The following DENND1A variants were observed in gnomAD, a reference collection of about 807,000 sequenced individuals.
DENND1A encodes the protein DENN domain-containing protein 1A.
A neutral mutation model predicts 113.7 loss-of-function variants in DENND1A; 51 were observed. The observed-to-expected ratio is 0.45, with a 90% CI of 0.36 to 0.57. The LOEUF is 0.57. Ranked by LOEUF, DENND1A falls within the 20% of genes least tolerant of loss-of-function variation. The pLI is 0.00. For missense variants in DENND1A, 1,258 were observed against 1,395.9 expected (o/e 0.90, Z 1.57); for synonymous variants, 565 against 570.8 (o/e 0.99, Z 0.14).
chr9:123,389,006 C>A (rs560897619), intron 21 of DENND1A, among the ~76,000 whole-genome samples: 1 of 152,238 alleles, frequency 6.6e-6, no homozygotes, highest in African/African-American at 2.4e-5. Context: ...CCCTCACCCC[C>A]CAGCCCCCAG....
chr9:123,500,007 C>A (rs2052331462), intron 13 of DENND1A, among the ~76,000 whole-genome samples: 1 of 152,152 alleles, frequency 6.6e-6, no homozygotes, highest in Non-Finnish European at 1.5e-5. Context: ...AGCCCTATAC[C>A]CCTTTGGGCC....
chr9:123,890,772 CAG>C (rs1816349498), intron 1 of DENND1A, among the ~76,000 whole-genome samples: 1 of 152,146 alleles, frequency 6.6e-6, no homozygotes, highest in South Asian at 2.1e-4. Context: ...AATTTGAACC[CAG>C]AGAGTGTGGC....
chr9:123,531,412 C>CT (rs2055286708), intron 13 of DENND1A, among the ~76,000 whole-genome samples: 1 of 151,888 alleles, frequency 6.6e-6, no homozygotes, highest in Admixed American at 6.6e-5. Context: ...TTCCTTTCAC[C>CT]TTTTTATTAT....
Position 123,382,619 on chromosome 9 carries a change from C to T in DENND1A, c.2026G>A (p.Asp676Asn). The T allele has an allele frequency of 6.8e-6, 11 of 1,613,932 alleles. No homozygotes were observed. The highest frequency in any genetic ancestry group is 9.3e-6 in the Non-Finnish European group (11 of 1,179,956). Residue 676 changes from aspartate to asparagine, a missense_variant, in exon 24 of 24, where the codon GAT becomes AAT. Physicochemically the swap from Asp to Asn is conservative, Grantham distance 23. This residue lies in a region of DENND1A where 1,159 missense variants were observed against 1,231.7 expected (regional missense o/e 0.94). Coordinates refer to ENST00000394215, the MANE Select transcript of DENND1A (RefSeq NM_001352964.2). Reference protein sequence around the residue: ...QPGTFDYQRLDLGGSERSRGV... With the variant: ...QPGTFDYQRLNLGGSERSRGV... ...CGGCTCCTCTCACTCCCGCCCAGAT[C>T]CAGCCTCTGTTGGGAGGGAAGGAGG...
intron 21 of DENND1A, among the ~76,000 whole-genome samples, chr9:123,399,598 C>T (rs533914974): frequency 5.1e-4 from 77 of 152,320 alleles, no homozygotes; most frequent in African/African-American, 1.5e-3. Flanking sequence ...CAAGAAGAAA[C>T]ACTCAGGCAC....
chr9:123,464,481 C>T (rs948515137), intron 13 of DENND1A, among the ~76,000 whole-genome samples: 1 of 152,090 alleles, frequency 6.6e-6, no homozygotes, highest in African/African-American at 2.4e-5. Context: ...ATAAGCCAGT[C>T]GCAAATAGAT....
chr9:123,676,816 A>C, intron 5 of DENND1A, 27 bp from the exon 6 acceptor site: 6 of 1,608,068 alleles, frequency 3.7e-6, no homozygotes, highest in Non-Finnish European at 5.1e-6. Context: ...AAACACATGA[A>C]ATATTAGTAT....
intron 10 of DENND1A, among the ~76,000 whole-genome samples, chr9:123,614,319 G>A (rs932969762): frequency 6.6e-6 from 1 of 152,138 alleles, no homozygotes; most frequent in Non-Finnish European, 1.5e-5. Context: ...AGGGCTATTC[G>A]CCAGTCCTCT....
chr9:123,521,495 T>A (rs564098648), intron 13 of DENND1A, among the ~76,000 whole-genome samples: 1 of 152,220 alleles, frequency 6.6e-6, no homozygotes, highest in Admixed American at 6.5e-5. Flanking sequence ...GACATTTAGC[T>A]TGGAGCTTGG....
chr9:123,647,008 C>T (rs894370353), intron 9 of DENND1A, among the ~76,000 whole-genome samples: 1 of 152,086 alleles, frequency 6.6e-6, no homozygotes, highest in African/African-American at 2.4e-5. Flanking sequence ...CTTAGAAGGT[C>T]AAGACACTGC....
chr9:123,617,487 G>A (rs1446175034), intron 10 of DENND1A, among the ~76,000 whole-genome samples: 2 of 152,200 alleles, frequency 1.3e-5, no homozygotes, highest in Admixed American at 1.3e-4. Context: ...AACCTATGCA[G>A]GTGGGGGTGG....
At chr9:123,898,212 C>T (rs576757537) in intron 1 of DENND1A, among the ~76,000 whole-genome samples, 13 of 152,166 alleles carry the variant, frequency 8.5e-5, no homozygotes, top group Admixed American at 7.9e-4. Context: ...TTTTCTTGCA[C>T]TTATTTTCCA....
intron 1 of DENND1A, among the ~76,000 whole-genome samples, chr9:123,922,784 T>A (rs925664970): frequency 2.0e-5 from 3 of 152,222 alleles, no homozygotes; most frequent in Non-Finnish European, 4.4e-5. Flanking sequence ...CATAACAGTA[T>A]CTTGAAGAGG....
chr9:123,856,265 C>CA (rs1844178061), intron 2 of DENND1A, among the ~76,000 whole-genome samples: 1 of 152,166 alleles, frequency 6.6e-6, no homozygotes, highest in South Asian at 2.1e-4. Flanking sequence ...GTAAGGATGG[C>CA]ATCCACATAG....
rs529370163 is a variant in DENND1A at position 123,421,130 on chromosome 9, G to A, written c.1489-9301C>T. 1.3e-4 allele frequency among the ~76,000 whole-genome samples: 20 copies of A among 148,616 alleles called. No homozygotes were observed. In the East Asian group the frequency reaches 4.0e-3, roughly 30 times the overall value. On this transcript the variant is annotated intron_variant, in intron 19 of 23. Transcript: ENST00000394215. ...CATTCCCAGGAGGAGGGGGACACGAGGTGAGGTTAGAGGGGCTTCCAGATG... is the reference window on the plus strand; with the variant it reads ...CATTCCCAGGAGGAGGGGGACACGAAGTGAGGTTAGAGGGGCTTCCAGATG...
At chr9:123,668,950 T>C (rs2063625660) in intron 7 of DENND1A, among the ~76,000 whole-genome samples, 1 of 152,208 alleles carries the variant, frequency 6.6e-6, no homozygotes, top group South Asian at 2.1e-4. Context: ...GGCCATGTGG[T>C]GATTATGTAG....
chr9:123,413,426 T>C, intron 19 of DENND1A: 7 of 985,432 alleles, frequency 7.1e-6, no homozygotes, highest in Non-Finnish European at 8.4e-6. Context: ...AGTGCTGATA[T>C]AGGGCTCTAC....
intron 18 of DENND1A, among the ~76,000 whole-genome samples, chr9:123,449,867 T>C (rs1269190950): frequency 6.6e-6 from 1 of 151,946 alleles, no homozygotes; most frequent in African/African-American, 2.4e-5. Flanking sequence ...GGGTGAGGGA[T>C]AAAAGACTAC....
intron 5 of DENND1A, among the ~76,000 whole-genome samples, chr9:123,752,124 C>CA (rs5900586): frequency 0.07 from 10,504 of 149,960 alleles, 487 homozygotes; most frequent in African/African-American, 0.14. Flanking sequence ...ACAAGAAATA[C>CA]TTTTTTTTTT....
Sources: gnomAD v4.1 joint callset for allele counts (sites outside exome capture counted in the v4.1 genomes callset) on GRCh38, gnomAD v4.1.1 for gene constraint, gnomAD v4.1.1 regional missense constraint, MANE v1.5 for transcripts, NCBI Gene and HGNC (gene_info 2026-07-23, HGNC 2026-07-21) for gene names.